RNF152: variants seen among roughly 807,000 people sequenced by gnomAD.
The protein encoded by RNF152 is E3 ubiquitin-protein ligase RNF152.
In RNF152, 11 loss-of-function variants were observed where a neutral mutation model predicts 12.7. The ratio of observed to expected loss-of-function variants is 0.86; its 90% CI spans 0.54 to 1.43. The LOEUF (loss-of-function observed/expected upper bound fraction) is 1.43. RNF152 is among the 40% of genes most tolerant of loss of function. RNF152 has a pLI of 0.00. For missense variants in RNF152, 255 were observed against 274.8 expected, an observed-to-expected ratio of 0.93 and a Z score of 0.51; for synonymous variants, 113 against 120.3, an observed-to-expected ratio of 0.94 and a Z score of 0.40.
At chr18:61,877,460 C>T (rs932234862) in intron 1 of RNF152, among the ~76,000 whole-genome samples, 1 of 152,060 alleles carries the variant, frequency 6.6e-6, no homozygotes, top group African/African-American at 2.4e-5. Flanking sequence ...GTCACTGTTC[C>T]CAAAAAATGT....
At chr18:61,831,310 G>A (rs930211867) in intron 1 of RNF152, among the ~76,000 whole-genome samples, 4 of 152,134 alleles carry the variant, frequency 2.6e-5, no homozygotes, top group African/African-American at 4.8e-5. Flanking sequence ...GAATCAGCTC[G>A]GGGAAATGCT....
chr18:61,835,513 G>T (rs1430428503), intron 1 of RNF152, among the ~76,000 whole-genome samples: 2 of 152,140 alleles, frequency 1.3e-5, no homozygotes, highest in African/African-American at 4.8e-5. Context: ...AGGCAGGTGG[G>T]AACAGAGAGG....
intron 1 of RNF152, among the ~76,000 whole-genome samples, chr18:61,857,353 T>C (rs1911272057): frequency 6.6e-6 from 1 of 152,238 alleles, no homozygotes; most frequent in Non-Finnish European, 1.5e-5. Context: ...CATGATTTTA[T>C]TTTCATGGTG....
chr18:61,887,130 C>T (rs942504671), intron 1 of RNF152, among the ~76,000 whole-genome samples: 1 of 152,152 alleles, frequency 6.6e-6, no homozygotes, highest in Non-Finnish European at 1.5e-5. Context: ...GAGCAAAAGT[C>T]GAGGTTGGAA....
At chr18:61,852,100 C>A (rs148391715) in intron 1 of RNF152, among the ~76,000 whole-genome samples, 2 of 152,088 alleles carry the variant, frequency 1.3e-5, no homozygotes, top group African/African-American at 4.8e-5. Flanking sequence ...AGGAATATGA[C>A]GAGGCCAGCA....
intron 1 of RNF152, among the ~76,000 whole-genome samples, chr18:61,878,852 C>G (rs1912330122): frequency 6.6e-6 from 1 of 152,200 alleles, no homozygotes. Context: ...ATACCATCAT[C>G]TTGGGGTTTA....
chr18:61,868,196 G>C (rs920023775), intron 1 of RNF152, among the ~76,000 whole-genome samples: 2 of 152,122 alleles, frequency 1.3e-5, no homozygotes, highest in African/African-American at 4.8e-5. Context: ...TGTTGCTGTA[G>C]ACTTACAGCA....
intron 1 of RNF152, among the ~76,000 whole-genome samples, chr18:61,839,129 C>G (rs1162865363): frequency 1.3e-5 from 2 of 152,008 alleles, no homozygotes; most frequent in Admixed American, 1.3e-4. Flanking sequence ...CCTGAGGTCC[C>G]GTTATCCCCA....
chr18:61,881,970 A>C (rs770611181), intron 1 of RNF152, among the ~76,000 whole-genome samples: 1 of 152,246 alleles, frequency 6.6e-6, no homozygotes, highest in Non-Finnish European at 1.5e-5. Flanking sequence ...ATGAACAATT[A>C]ATTTTTAATA....
intron 1 of RNF152, among the ~76,000 whole-genome samples, chr18:61,866,001 C>T (rs1911708746): frequency 6.6e-6 from 1 of 152,164 alleles, no homozygotes; most frequent in South Asian, 2.1e-4. Flanking sequence ...GTTATTCTGC[C>T]TCCTAAAATT....
At chr18:61,850,128 C>T (rs1910905107) in intron 1 of RNF152, among the ~76,000 whole-genome samples, 1 of 152,206 alleles carries the variant, frequency 6.6e-6, no homozygotes, top group Non-Finnish European at 1.5e-5. Context: ...GTTGAAAAGA[C>T]ACGAGTCTGG....
At chr18:61,862,594 C>T (rs1236259030) in intron 1 of RNF152, among the ~76,000 whole-genome samples, 1 of 152,194 alleles carries the variant, frequency 6.6e-6, no homozygotes, top group Non-Finnish European at 1.5e-5. Flanking sequence ...GACAGCTGAA[C>T]ATGCTGAGGT....
At chr18:61,870,204 G>A (rs1481526319) in intron 1 of RNF152, among the ~76,000 whole-genome samples, 1 of 152,202 alleles carries the variant, frequency 6.6e-6, no homozygotes, top group Non-Finnish European at 1.5e-5. Context: ...GGATGGGGGT[G>A]TGGAAAGCAC....
At chr18:61,838,951 A>G (rs1454959273) in intron 1 of RNF152, among the ~76,000 whole-genome samples, 1 of 151,196 alleles carries the variant, frequency 6.6e-6, no homozygotes, top group Non-Finnish European at 1.5e-5. Context: ...GAAACTGCCC[A>G]TTCACTCTCA....
chr18:61,842,420 G>A (rs971235523), intron 1 of RNF152, among the ~76,000 whole-genome samples: 1 of 152,222 alleles, frequency 6.6e-6, no homozygotes, highest in East Asian at 1.9e-4. Context: ...GGAGGCTGCT[G>A]TCATTGCTGG....
Position 61,813,270 on chromosome 18 carries a change from TCTCTCTCTCA to T in RNF152, c.*2572_*2581del, listed in dbSNP as rs982680957. ...GGGAGACTGAGATTCTCTCTCTCTC[TCTCTCTCTCA>T]CACACACACACACACACACACACAC... On this transcript the variant is annotated 3_prime_UTR_variant, in exon 2 of 2. Coordinates refer to ENST00000312828, the MANE Select transcript of RNF152 (RefSeq NM_173557.3). The T allele has an allele frequency of 6.0e-5, 6 of 100,380 alleles. No individual in the cohort carries two copies. Among genetic ancestry groups the T allele is most frequent in the African/African-American group, 2.3e-4 (6 of 25,770 alleles). The allele number at this position is 100,380 out of a possible 1,614,324, so 6.2% of individuals were successfully genotyped here.
intron 1 of RNF152, among the ~76,000 whole-genome samples, chr18:61,833,615 G>GGGCC (rs1910050437): frequency 6.6e-6 from 1 of 152,180 alleles, no homozygotes; most frequent in Non-Finnish European, 1.5e-5. Context: ...CTGAACACGA[G>GGGCC]GGCCGTCTGT....
Position 61,811,674 on chromosome 18 carries a change from C to T in RNF152, c.*4178G>A, listed in dbSNP as rs1599251634. ...CAAAACATGCTTGCTCTTATATTTG[C>T]ACCTTACTAATACAGCAATGAAGTT... On this transcript the variant is annotated 3_prime_UTR_variant, in exon 2 of 2. Transcript: ENST00000312828. 3 of 152,294 alleles carry T rather than the reference C, an allele frequency of 2.0e-5. No individual in the cohort carries two copies. In the East Asian group the frequency reaches 5.8e-4, roughly 29 times the overall value. 9.4% of individuals were successfully genotyped at this position (152,294 alleles called of 1,614,324 possible).
At chr18:61,833,178 T>C (rs1910028522) in intron 1 of RNF152, among the ~76,000 whole-genome samples, 1 of 151,972 alleles carries the variant, frequency 6.6e-6, no homozygotes. Context: ...ATACTAGGAG[T>C]AAAACAACAA....
Sources: gnomAD v4.1 joint callset for allele counts (sites outside exome capture counted in the v4.1 genomes callset) on GRCh38, gnomAD v4.1.1 for gene constraint, MANE v1.5 for transcripts, NCBI Gene and HGNC (gene_info 2026-07-23, HGNC 2026-07-21) for gene names.